The following SYNPR variants were observed in gnomAD, a reference collection of about 807,000 sequenced individuals.
SYNPR encodes the protein synaptoporin.
SYNPR carries 23 observed loss-of-function variants against 32.9 expected under a neutral mutation model. The observed-to-expected ratio is 0.70, with a 90% confidence interval of 0.50 to 0.99. The LOEUF (loss-of-function observed/expected upper bound fraction) is 0.99, where lower values mean the gene tolerates loss of function less well. Ranked by LOEUF, SYNPR falls within the 50% of genes least tolerant of loss-of-function variation. The pLI, the probability that SYNPR is intolerant of heterozygous loss-of-function variation, is 0.00. For missense variants in SYNPR, 318 were observed against 349.3 expected (o/e 0.91, Z 0.71); for synonymous variants, 146 against 135.9 (o/e 1.07, Z -0.52).
chr3:63,311,721 G>C (rs946655190), intron 2 of SYNPR, among the ~76,000 whole-genome samples: 4 of 151,948 alleles, frequency 2.6e-5, no homozygotes, highest in African/African-American at 9.7e-5. Flanking sequence ...GTACATATGT[G>C]TATATATAAT....
chr3:63,365,199 A>G (rs2087716567), intron 2 of SYNPR, among the ~76,000 whole-genome samples: 1 of 152,210 alleles, frequency 6.6e-6, no homozygotes, highest in African/African-American at 2.4e-5. Flanking sequence ...ATGAAGTTCA[A>G]CTGTATAATT....
At chr3:63,376,521 G>T (rs1208615034) in intron 2 of SYNPR, among the ~76,000 whole-genome samples, 1 of 151,890 alleles carries the variant, frequency 6.6e-6, no homozygotes, top group Non-Finnish European at 1.5e-5. Flanking sequence ...GCTTCTTTTT[G>T]TCTCTGTAAA....
chr3:63,542,473 G>A (rs949760861), intron 3 of SYNPR, among the ~76,000 whole-genome samples: 1 of 152,052 alleles, frequency 6.6e-6, no homozygotes, highest in African/African-American at 2.4e-5. Flanking sequence ...ATAAAGGATT[G>A]GAGAGGTAAT....
At chr3:63,489,549 ATT>A (rs1701218320) in intron 3 of SYNPR, among the ~76,000 whole-genome samples, 1 of 152,134 alleles carries the variant, frequency 6.6e-6, no homozygotes, top group Admixed American at 6.5e-5. Context: ...TAATTTAATT[ATT>A]CTTATTAATT....
At chr3:63,225,482 A>G (rs550941837), upstream of SYNPR, among the ~76,000 whole-genome samples, 2 of 152,288 alleles carry the variant, frequency 1.3e-5, no homozygotes, top group Admixed American at 6.5e-5. Context: ...CTTGAAAGCT[A>G]AAGTCCCTCA....
intron 2 of SYNPR, chr3:63,452,060 T>C: frequency 1.4e-6 from 1 of 702,164 alleles, no homozygotes; most frequent in Non-Finnish European, 2.6e-6. Flanking sequence ...TCCCACTGCC[T>C]TCACACTCAA....
chr3:63,211,190 C>G, the SYNPR span, among the ~76,000 whole-genome samples: 2 of 152,136 alleles, frequency 1.3e-5, no homozygotes, highest in African/African-American at 2.4e-5. Context: ...GCCTCAGCCT[C>G]CTGAGTAGCA....
chr3:63,501,494 C>CAAAAAAAAAAAAAAAAAA (rs377290258), intron 3 of SYNPR, among the ~76,000 whole-genome samples: 5 of 96,730 alleles, frequency 5.2e-5, no homozygotes, highest in Admixed American at 1.1e-4. Context: ...CTCCCCCAAC[C>CAAAAAAAAAAAAAAAAAA]AAAAAAAAAA....
intron 2 of SYNPR, among the ~76,000 whole-genome samples, chr3:63,259,525 C>G (rs1259316293): frequency 2.6e-5 from 4 of 152,084 alleles, no homozygotes; most frequent in African/African-American, 7.2e-5. Flanking sequence ...ATTCAACAGC[C>G]CTTCATGCTA....
intron 2 of SYNPR, among the ~76,000 whole-genome samples, chr3:63,305,026 T>C (rs1338820975): frequency 6.6e-6 from 1 of 151,968 alleles, no homozygotes. Flanking sequence ...TGACATGTAG[T>C]AGCTACCCTC....
chr3:63,596,174 C>G (rs1017163867), intron 4 of SYNPR, among the ~76,000 whole-genome samples: 3 of 150,636 alleles, frequency 2.0e-5, no homozygotes, highest in Non-Finnish European at 4.4e-5. Flanking sequence ...CAGACACTGC[C>G]GCTGCCTCCT....
At chr3:63,392,663 T>C (rs1348803943) in intron 2 of SYNPR, among the ~76,000 whole-genome samples, 2 of 152,220 alleles carry the variant, frequency 1.3e-5, no homozygotes, top group African/African-American at 4.8e-5. Flanking sequence ...TCAGCCTTAA[T>C]ATCCAGCCCA....
At chr3:63,471,635 C>T (rs867202163) in intron 2 of SYNPR, among the ~76,000 whole-genome samples, 2 of 152,230 alleles carry the variant, frequency 1.3e-5, no homozygotes, top group Non-Finnish European at 2.9e-5. Context: ...CCGCAGTTAA[C>T]AAAACCTTTC....
At chr3:63,416,518 T>G (rs1405400633) in intron 2 of SYNPR, among the ~76,000 whole-genome samples, 2 of 119,030 alleles carry the variant, frequency 1.7e-5, no homozygotes, top group East Asian at 2.3e-4. Context: ...GGTGACGGAG[T>G]GAGACTCTGT....
At chr3:63,437,580 TGA>T (rs139867146) in intron 2 of SYNPR, among the ~76,000 whole-genome samples, 9 of 110,628 alleles carry the variant, frequency 8.1e-5, no homozygotes, top group African/African-American at 1.8e-4. Flanking sequence ...GAAAGAAGAG[TGA>T]GAGAGAGAGA....
At chr3:63,240,494 G>T (rs2086232574) in intron 1 of SYNPR, among the ~76,000 whole-genome samples, 1 of 152,082 alleles carries the variant, frequency 6.6e-6, no homozygotes, top group Non-Finnish European at 1.5e-5. Context: ...AGTCTAGAAG[G>T]AAATGAAAGA....
intron 2 of SYNPR, among the ~76,000 whole-genome samples, chr3:63,284,123 T>C (rs942758575): frequency 1.3e-5 from 2 of 152,202 alleles, no homozygotes; most frequent in Non-Finnish European, 2.9e-5. Flanking sequence ...GTAATTCTTA[T>C]TTTGCTACTT....
At chr3:63,574,977 A>T (rs540126538) in intron 4 of SYNPR, among the ~76,000 whole-genome samples, 3 of 152,232 alleles carry the variant, frequency 2.0e-5, no homozygotes, top group Admixed American at 2.0e-4. Flanking sequence ...AGTCAGGGCC[A>T]TGAGTGAATC....
the SYNPR span, among the ~76,000 whole-genome samples, chr3:63,206,569 A>G: frequency 6.6e-6 from 1 of 152,222 alleles, no homozygotes; most frequent in African/African-American, 2.4e-5. Flanking sequence ...TCAAAAAAAA[A>G]GAAAAGAAAA....
Sources: allele counts gnomAD v4.1 joint callset (sites outside exome capture counted in the v4.1 genomes callset), GRCh38; gene constraint gnomAD v4.1.1; transcripts MANE v1.5; gene names NCBI Gene and HGNC (gene_info 2026-07-23, HGNC 2026-07-21).